ZNF396: variants seen among roughly 807,000 people sequenced by gnomAD.
The protein encoded by ZNF396 is zinc finger and SCAN domain-containing protein 14.
A neutral mutation model predicts 20.5 loss-of-function variants in ZNF396; 14 were observed. The ratio of observed to expected loss-of-function variants is 0.68; its 90% CI spans 0.45 to 1.07. The LOEUF (loss-of-function observed/expected upper bound fraction) is 1.07. Among genes scored for constraint, ZNF396 ranks in the 50% least tolerant of loss-of-function variants. ZNF396 has a pLI of 0.00. For synonymous variants in ZNF396, 119 were observed against 140.6 expected (o/e 0.85, Z 1.08); for missense variants, 347 against 390.1 (o/e 0.89, Z 0.93).
rs2045132456 is a variant in ZNF396, at chr18:35,368,849, C to T, written c.*366G>A. On this transcript the variant is annotated 3_prime_UTR_variant, in exon 4 of 4. Transcript: ENST00000589332. ...ATGTCTATTTTTACACTGAGTAACT[C>T]ACACATTCCTTCTCAATGAGGGAAA... 4.0e-6 allele frequency: 4 copies of T among 1,011,652 alleles called. No homozygotes were observed. The highest frequency in any genetic ancestry group is 4.7e-6 in the Non-Finnish European group (4 of 847,862). 62.7% of individuals were successfully genotyped at this position (1,011,652 alleles called of 1,614,324 possible).
intron 3 of ZNF396, among the ~76,000 whole-genome samples, chr18:35,370,116 C>G (rs888902458): frequency 4.0e-5 from 6 of 151,684 alleles, no homozygotes; most frequent in African/African-American, 1.5e-4. Context: ...AGCCAAGGGG[C>G]CAAAAAGGAA....
intron 3 of ZNF396, among the ~76,000 whole-genome samples, chr18:35,370,541 C>G (rs1313593202): frequency 7.2e-5 from 7 of 97,424 alleles, no homozygotes. Context: ...GAGACGGAGT[C>G]TCGCTCTGTC....
At position 35,369,108 on chromosome 18, in the gene ZNF396, ACT is replaced by A; in HGVS notation, c.*105_*106del. 1 of 1,440,732 alleles carries A rather than the reference ACT, an allele frequency of 6.9e-7. No homozygotes were observed. Among genetic ancestry groups the A allele is most frequent in the Non-Finnish European group, 9.1e-7 (1 of 1,099,246 alleles). 89.2% of individuals were successfully genotyped at this position (1,440,732 alleles called of 1,614,324 possible). A position where few individuals can be genotyped will look rare whatever the true frequency, so the allele number is the denominator to read the frequency against. ...TGGCTTTCATGAGTCTTGAAAGGAG[ACT>A]GGTGCTTACTAAGACCACTGATTTG... On this transcript the variant is annotated 3_prime_UTR_variant, in exon 4 of 4. Coordinates refer to ENST00000589332, the MANE Select transcript of ZNF396 (RefSeq NM_001322286.2).
intron 1 of ZNF396, among the ~76,000 whole-genome samples, chr18:35,376,522 C>T (rs2045259518): frequency 6.6e-6 from 1 of 152,186 alleles, no homozygotes; most frequent in East Asian, 1.9e-4. Context: ...CCATAGGCAG[C>T]AGGGGCCCTT....
At chr18:35,373,016 A>G in intron 3 of ZNF396, 1 of 171,148 alleles carries the variant, frequency 5.8e-6, no homozygotes, top group Non-Finnish European at 1.2e-5. Context: ...GGGAGTAGAG[A>G]AGTGTATTCA....
Position 35,373,571 on chromosome 18 carries a change from A to C in ZNF396, c.447T>G (p.Ile149Met), listed in dbSNP as rs769635315. The C allele has an allele frequency of 1.9e-6, 3 of 1,614,176 alleles. No individual in the cohort carries two copies. The highest frequency in any genetic ancestry group is 2.2e-5 in the South Asian group (2 of 91,078). ...TTTCTGAAGGTGCTAGCTTCTCTGC[A>C]ATCATGTCCTTCCTTCGTCCAAAAA... ...QIFFGRRKDM[I>M]AEKLAPSEIT... The change falls in exon 3 of 4, where the codon ATT becomes ATG. Residue 149 changes from isoleucine (I) to methionine (M), a missense_variant. Coordinates refer to ENST00000589332, the MANE Select transcript of ZNF396 (RefSeq NM_001322286.2).
chr18:35,372,458 T>A (rs1470506198), intron 3 of ZNF396: 1 of 152,236 alleles, frequency 6.6e-6, no homozygotes. Flanking sequence ...ATTTCCTTTG[T>A]GTAGTTTCTT....
chr18:35,374,391 G>C lies in ZNF396; in HGVS notation c.-72-27C>G. 1 of 1,224,584 alleles carries C rather than the reference G, an allele frequency of 8.2e-7. No individual in the cohort carries two copies. Among genetic ancestry groups the C allele is most frequent in the Non-Finnish European group, 1.1e-6 (1 of 886,392 alleles). The allele number at this position is 1,224,584 out of a possible 1,614,324, so 75.9% of individuals were successfully genotyped here. A position where few individuals can be genotyped will look rare whatever the true frequency, so the allele number is the denominator to read the frequency against. On this transcript the variant is annotated intron_variant, in intron 1 of 3. Transcript: ENST00000589332. This position sits in a 1 kb window ranked among gnomAD's most constrained non-coding sequence, Gnocchi z 4.3. ...TTAAATATGATTAAAGAAACAAGTG[G>C]AAAGAAGACAAAAGACAAATGCTTC...
At position 35,367,030 on chromosome 18, in the gene ZNF396, T is replaced by C. The variant is rs2045106465; in HGVS notation, c.*2185A>G. ...ACTTGATTTAGATTCTGCCATCTTATTCACATAGAACCTAAGAAACTCTTT... is the reference window on the plus strand; with the variant it reads ...ACTTGATTTAGATTCTGCCATCTTACTCACATAGAACCTAAGAAACTCTTT... On this transcript the variant is annotated 3_prime_UTR_variant, in exon 4 of 4. Transcript: ENST00000589332. 6.6e-6 allele frequency: 1 copy of C among 152,218 alleles called. No homozygotes were observed. Among genetic ancestry groups the C allele is most frequent in the Admixed American group, 6.5e-5 (1 of 15,290 alleles). 9.4% of individuals were successfully genotyped at this position (152,218 alleles called of 1,614,324 possible). A position where few individuals can be genotyped will look rare whatever the true frequency, so the allele number is the denominator to read the frequency against.
chr18:35,373,927 T>C lies in ZNF396; in HGVS notation c.366A>G (p.Glu122=). The C allele has an allele frequency of 6.2e-7, 1 of 1,614,222 alleles. No individual in the cohort carries two copies. The highest frequency in any genetic ancestry group is 8.5e-7 in the Non-Finnish European group (1 of 1,180,030). ...CCACATCCTCCAGCATAGTCACAGT[T>C]TCCTCTCCATTCTCTGGATGATGCT... ...VQKHHPENGE[E]TVTMLEDVER... The change falls in exon 2 of 4, where the codon GAA becomes GAG. Residue 122 remains glutamate (E), a synonymous_variant. Coordinates refer to ENST00000589332, the MANE Select transcript of ZNF396 (RefSeq NM_001322286.2).
At chr18:35,373,749 T>C (rs2045217557) in intron 2 of ZNF396, 127 bp downstream of exon 2, 6 of 1,490,272 alleles carry the variant, frequency 4.0e-6, no homozygotes, top group Middle Eastern at 3.6e-4. Context: ...GGGACACCCA[T>C]TAGTACTTTC....
chr18:35,373,345 G>A, intron 3 of ZNF396, 111 bp downstream of exon 3: 3 of 1,297,678 alleles, frequency 2.3e-6, no homozygotes, highest in South Asian at 1.9e-5. Flanking sequence ...CCACAGTAAG[G>A]AGGAGATGAG....
intron 3 of ZNF396, among the ~76,000 whole-genome samples, chr18:35,370,504 ATTT>A (rs35532616): frequency 3.7e-5 from 3 of 81,776 alleles, no homozygotes; most frequent in South Asian, 5.2e-4. Flanking sequence ...TCATGGTGGC[ATTT>A]TTTTTTTTTT....
Position 35,368,402 on chromosome 18 carries a change from C to T in ZNF396, c.*813G>A, listed in dbSNP as rs2045122645. On this transcript the variant is annotated 3_prime_UTR_variant, in exon 4 of 4. Coordinates refer to ENST00000589332, the MANE Select transcript of ZNF396 (RefSeq NM_001322286.2). ...GGCACTTCAGCCTAGTCTTGAAGTACATATTCTTTTGGGCCTCTGCAATCG... is the reference window on the plus strand; with the variant it reads ...GGCACTTCAGCCTAGTCTTGAAGTATATATTCTTTTGGGCCTCTGCAATCG... 1.4e-6 allele frequency: 2 copies of T among 1,457,200 alleles called. No individual in the cohort carries two copies. The highest frequency in any genetic ancestry group is 1.8e-6 in the Non-Finnish European group (2 of 1,097,256). The allele number at this position is 1,457,200 out of a possible 1,614,324, so 90.3% of individuals were successfully genotyped here.
At position 35,369,256 on chromosome 18, in the gene ZNF396, A is replaced by C. The variant is rs1416907581; in HGVS notation, c.967T>G (p.Phe323Val). Residue 323 changes from phenylalanine (F) to valine (V), a missense_variant, in exon 4 of 4, where the codon TTT becomes GTT. Coordinates refer to ENST00000589332, the MANE Select transcript of ZNF396 (RefSeq NM_001322286.2). ...CTAATGTGTCTTTTCCTATGTCTAAAAAGATTTGAGCTCTGACTAAAGGCT... is the reference window on the plus strand; with the variant it reads ...CTAATGTGTCTTTTCCTATGTCTAACAAGATTTGAGCTCTGACTAAAGGCT... The part of the protein sequence containing the change: ...GKAFSQSSNL[F>V]RHRKRHIRKK... The C allele has an allele frequency of 6.2e-7, 1 of 1,608,346 alleles. No individual in the cohort carries two copies. Among genetic ancestry groups the C allele is most frequent in the Admixed American group, 1.7e-5 (1 of 58,460 alleles).
Position 35,369,137 on chromosome 18 carries a change from A to G in ZNF396, c.*78T>C, listed in dbSNP as rs1448186546. ...GTGCTTACTAAGACCACTGATTTGT[A>G]CTAAGGAGCGTTTGCATCTGGTGTC... On this transcript the variant is annotated 3_prime_UTR_variant, in exon 4 of 4. Coordinates refer to ENST00000589332, the MANE Select transcript of ZNF396 (RefSeq NM_001322286.2). 3.4e-6 allele frequency: 5 copies of G among 1,463,538 alleles called. No individual in the cohort carries two copies. The highest frequency in any genetic ancestry group is 4.5e-6 in the Non-Finnish European group (5 of 1,110,420). The allele number at this position is 1,463,538 out of a possible 1,614,324, so 90.7% of individuals were successfully genotyped here.
rs753885904 is a variant in ZNF396 at position 35,373,928 on chromosome 18, T to A, written c.365A>T (p.Glu122Val). 9.9e-6 allele frequency: 16 copies of A among 1,614,074 alleles called. No homozygotes were observed. The highest frequency in any genetic ancestry group is 1.4e-5 in the Non-Finnish European group (16 of 1,180,036). The change falls in exon 2 of 4, where the codon GAA becomes GTA. Residue 122 changes from glutamate (E) to valine (V), a missense_variant. Physicochemically the swap from Glu to Val is moderately radical, Grantham distance 121. Coordinates refer to ENST00000589332, the MANE Select transcript of ZNF396 (RefSeq NM_001322286.2). Reference protein sequence around the residue: ...VQKHHPENGEETVTMLEDVER... With the variant: ...VQKHHPENGEVTVTMLEDVER... ...CACATCCTCCAGCATAGTCACAGTT[T>A]CCTCTCCATTCTCTGGATGATGCTT...
In ZNF396 at chr18:35,368,660, C is replaced by T; in HGVS notation, c.*555G>A. 1 of 743,778 alleles carries T rather than the reference C, an allele frequency of 1.3e-6. No homozygotes were observed. Among genetic ancestry groups the T allele is most frequent in the Non-Finnish European group, 1.6e-6 (1 of 607,788 alleles). The allele number at this position is 743,778 out of a possible 1,614,324, so 46.1% of individuals were successfully genotyped here. A position where few individuals can be genotyped will look rare whatever the true frequency, so the allele number is the denominator to read the frequency against. ...AGAGACGGGGTTTCGCCGTGTTGTC[C>T]AGGCTGGTCTTGAACTCCTGAGTTC... On this transcript the variant is annotated 3_prime_UTR_variant, in exon 4 of 4. Coordinates refer to ENST00000589332, the MANE Select transcript of ZNF396 (RefSeq NM_001322286.2).
Position 35,369,045 on chromosome 18 carries a change from A to C in ZNF396, c.*170T>G, listed in dbSNP as rs1407992630. 7.2e-7 allele frequency: 1 copy of C among 1,384,078 alleles called. No homozygotes were observed. Among genetic ancestry groups the C allele is most frequent in the African/African-American group, 1.5e-5 (1 of 68,444 alleles). The allele number at this position is 1,384,078 out of a possible 1,614,324, so 85.7% of individuals were successfully genotyped here. ...AGACTGCATTGATAAGCAGAAAAGC[A>C]AATAATGCTGACCTGAGATCTTCAA... is the stretch of plus-strand genomic sequence containing the variant. On this transcript the variant is annotated 3_prime_UTR_variant, in exon 4 of 4. Transcript: ENST00000589332.
Sources: gnomAD v4.1 joint callset for allele counts (sites outside exome capture counted in the v4.1 genomes callset) on GRCh38, gnomAD v4.1.1 for gene constraint, Gnocchi (gnomAD v3.1) non-coding constraint, MANE v1.5 for transcripts, NCBI Gene and HGNC (gene_info 2026-07-23, HGNC 2026-07-21) for gene names.